The following HTR1E variants were observed in gnomAD, a reference collection of about 807,000 sequenced individuals.
The protein encoded by HTR1E is 5-HT-1E.
HTR1E carries 3 observed loss-of-function variants against 3.4 expected under a neutral mutation model. That is an observed-to-expected ratio of 0.89 (90% CI 0.41 to 2.31). The LOEUF (loss-of-function observed/expected upper bound fraction) is 2.31, where lower values mean the gene tolerates loss of function less well. Among genes scored for constraint, HTR1E ranks in the 30% most tolerant of loss-of-function variants. The pLI is 0.05. For synonymous variants in HTR1E, 170 were observed against 182.8 expected, an observed-to-expected ratio of 0.93 and a Z score of 0.56; for missense variants, 392 against 467.0, an observed-to-expected ratio of 0.84 and a Z score of 1.48.
chr6:86,995,129 A>T (rs1398044158), intron 1 of HTR1E, among the ~76,000 whole-genome samples: 1 of 152,044 alleles, frequency 6.6e-6, no homozygotes, highest in Non-Finnish European at 1.5e-5. Flanking sequence ...AAGGATTAAC[A>T]TATCAATAAT....
chr6:87,014,979 C>G (rs1399501359), intron 1 of HTR1E, among the ~76,000 whole-genome samples, 171 bp from the exon 2 acceptor site: 1 of 152,026 alleles, frequency 6.6e-6, no homozygotes, highest in Admixed American at 6.6e-5. Flanking sequence ...TTGAAAACTT[C>G]CCTGAAGTAA....
At chr6:86,963,426 A>G (rs1218006946) in intron 1 of HTR1E, among the ~76,000 whole-genome samples, 1 of 152,184 alleles carries the variant, frequency 6.6e-6, no homozygotes, top group East Asian at 1.9e-4. Flanking sequence ...AGCTAAGTTT[A>G]ATTTATAATT....
At position 86,963,579 on chromosome 6, in the gene HTR1E, C is replaced by T. The variant is rs188551088; in HGVS notation, c.-186+25756C>T. Among the ~76,000 whole-genome samples, 37 of 152,292 alleles carry T rather than the reference C, an allele frequency of 2.4e-4. 1 individual carries two copies. The highest frequency in any genetic ancestry group is 3.4e-3 in the Middle Eastern group (1 of 294). ...TGACTCACCCAGAGTAACTTTCAGT[C>T]CCACAAGCTCCATTCATGGTAAATG... On this transcript the variant is annotated intron_variant, in intron 1 of 1. Coordinates refer to ENST00000305344, the MANE Select transcript of HTR1E (RefSeq NM_000865.3).
intron 1 of HTR1E, among the ~76,000 whole-genome samples, chr6:86,964,075 G>A (rs1767442293): frequency 6.6e-6 from 1 of 152,164 alleles, no homozygotes; most frequent in Non-Finnish European, 1.5e-5. Context: ...GGGTGCTATG[G>A]AGAAGAAGAG....
At chr6:86,949,354 T>TCC (rs1296502911) in intron 1 of HTR1E, among the ~76,000 whole-genome samples, 2 of 152,228 alleles carry the variant, frequency 1.3e-5, no homozygotes, top group African/African-American at 2.4e-5. Flanking sequence ...CGTAAGTGTG[T>TCC]CCCTGCTGCT....
At chr6:86,987,920 C>T (rs765555693) in intron 1 of HTR1E, among the ~76,000 whole-genome samples, 2 of 152,124 alleles carry the variant, frequency 1.3e-5, no homozygotes, top group Non-Finnish European at 2.9e-5. Flanking sequence ...AAGGCTCCAC[C>T]TTTTAGTACT....
At chr6:86,965,413 C>A (rs1317584701) in intron 1 of HTR1E, among the ~76,000 whole-genome samples, 1 of 152,136 alleles carries the variant, frequency 6.6e-6, no homozygotes, top group Non-Finnish European at 1.5e-5. Flanking sequence ...AATTTGGTTT[C>A]ACGTTTTATT....
intron 1 of HTR1E, among the ~76,000 whole-genome samples, chr6:86,991,674 C>A (rs1767871310): frequency 6.6e-6 from 1 of 152,080 alleles, no homozygotes; most frequent in South Asian, 2.1e-4. Flanking sequence ...CAGTGAAGAA[C>A]AAACTAAGTC....
chr6:86,977,040 C>A (rs954082203), intron 1 of HTR1E, among the ~76,000 whole-genome samples: 2 of 151,968 alleles, frequency 1.3e-5, no homozygotes, highest in African/African-American at 4.8e-5. Flanking sequence ...GTATGAAAAC[C>A]TCGGTATGGT....
chr6:87,004,202 C>T (rs568506175), intron 1 of HTR1E, among the ~76,000 whole-genome samples: 44 of 152,258 alleles, frequency 2.9e-4, no homozygotes, highest in Non-Finnish European at 5.9e-4. Flanking sequence ...AATACCAATT[C>T]TAGTTAAACT....
In HTR1E at chr6:87,014,325, T is replaced by C. The variant is rs145997624; in HGVS notation, c.-185-825T>C. ...GAAGCAACAGATGCTGGAAAGGATG[T>C]GAAGAAATAGGAATGCTTTTACACT... is the stretch of plus-strand genomic sequence containing the variant. On this transcript the variant is annotated intron_variant, in intron 1 of 1. Coordinates refer to ENST00000305344, the MANE Select transcript of HTR1E (RefSeq NM_000865.3). Among the ~76,000 whole-genome samples, 88 of 151,554 alleles carry C rather than the reference T, an allele frequency of 5.8e-4. 1 individual carries two copies. Among genetic ancestry groups the C allele is most frequent in the African/African-American group, 2.1e-3 (85 of 41,400 alleles).
At chr6:86,985,812 T>C (rs906764870) in intron 1 of HTR1E, among the ~76,000 whole-genome samples, 3 of 152,204 alleles carry the variant, frequency 2.0e-5, no homozygotes, top group Non-Finnish European at 4.4e-5. Flanking sequence ...TAAAATTCAA[T>C]GTGTGCATCA....
intron 1 of HTR1E, among the ~76,000 whole-genome samples, chr6:86,978,258 T>C (rs1767666296): frequency 6.6e-6 from 1 of 152,182 alleles, no homozygotes; most frequent in African/African-American, 2.4e-5. Flanking sequence ...GGAAAACAAA[T>C]CTCATTGCCA....
chr6:86,971,671 G>T (rs950582146), intron 1 of HTR1E, among the ~76,000 whole-genome samples: 1 of 151,318 alleles, frequency 6.6e-6, no homozygotes, highest in Non-Finnish European at 1.5e-5. Flanking sequence ...GATAATTATT[G>T]TGCTGGACAT....
At chr6:86,939,555 T>C (rs1439244991) in intron 1 of HTR1E, among the ~76,000 whole-genome samples, 2 of 152,248 alleles carry the variant, frequency 1.3e-5, no homozygotes, top group Non-Finnish European at 2.9e-5. Flanking sequence ...AGTGTAGCCA[T>C]GACTCTGGTC....
chr6:86,960,011 A>G (rs192282680), intron 1 of HTR1E, among the ~76,000 whole-genome samples: 1 of 152,354 alleles, frequency 6.6e-6, no homozygotes, highest in East Asian at 1.9e-4. Flanking sequence ...CAGACTATCT[A>G]AATAAGCAAA....
At chr6:86,964,397 T>C (rs1333853474) in intron 1 of HTR1E, among the ~76,000 whole-genome samples, 3 of 152,244 alleles carry the variant, frequency 2.0e-5, no homozygotes, top group Non-Finnish European at 4.4e-5. Context: ...TATGCCTAAA[T>C]ATGCCATCCA....
At chr6:86,955,030 C>T (rs1767301222) in intron 1 of HTR1E, among the ~76,000 whole-genome samples, 1 of 152,118 alleles carries the variant, frequency 6.6e-6, no homozygotes, top group African/African-American at 2.4e-5. Flanking sequence ...TCAACAGCTT[C>T]CCTGATCCCA....
chr6:86,959,101 A>G (rs1582260882), intron 1 of HTR1E, among the ~76,000 whole-genome samples: 1 of 152,186 alleles, frequency 6.6e-6, no homozygotes, highest in East Asian at 1.9e-4. Context: ...TGATATTGCA[A>G]CTCAAGTCTG....
Sources: allele counts gnomAD v4.1 joint callset (sites outside exome capture counted in the v4.1 genomes callset), GRCh38; gene constraint gnomAD v4.1.1; transcripts MANE v1.5; gene names NCBI Gene and HGNC (gene_info 2026-07-23, HGNC 2026-07-21).